DMP1: variants seen among roughly 807,000 people sequenced by gnomAD.
DMP1 encodes dentin matrix protein 1.
A neutral mutation model predicts 14.6 loss-of-function variants in DMP1; 20 were observed. The observed-to-expected ratio is 1.37, with a 90% CI of 0.96 to 1.99. The LOEUF (loss-of-function observed/expected upper bound fraction) is 1.99, where lower values mean the gene tolerates loss of function less well. Among genes scored for constraint, DMP1 ranks in the 30% most tolerant of loss-of-function variants. The pLI, the probability that DMP1 is intolerant of heterozygous loss-of-function variation, is 0.00. For missense variants in DMP1, 567 were observed against 620.5 expected (o/e 0.91, Z 0.92); for synonymous variants, 197 against 215.3 (o/e 0.91, Z 0.75).
rs753217114 is a variant in DMP1, at chr4:87,662,902, T to C, written c.1124T>C (p.Val375Ala). Residue 375 changes from valine to alanine, a missense_variant, in exon 6 of 6, where the codon GTA becomes GCA. Transcript: ENST00000339673. The part of the protein sequence containing the change: ...GDNPDPTTSY[V>A]EDQEDSDSSE... ...AACCCCGACCCCACAACTAGTTATG[T>C]AGAAGACCAGGAAGACAGTGACTCC... 2 of 1,614,172 alleles carry C rather than the reference T, an allele frequency of 1.2e-6. No homozygotes were observed. The highest frequency in any genetic ancestry group is 2.2e-5 in the East Asian group (1 of 44,870).
At chr4:87,651,772 T>C (rs1435303974) in intron 1 of DMP1, among the ~76,000 whole-genome samples, 1 of 152,118 alleles carries the variant, frequency 6.6e-6, no homozygotes, top group East Asian at 1.9e-4. Flanking sequence ...TCAGTTGTGT[T>C]CTTGAAGATA....
At position 87,663,455 on chromosome 4, in the gene DMP1, T is replaced by A. The variant is rs143161469; in HGVS notation, c.*135T>A. 7 of 1,336,826 alleles carry A rather than the reference T, an allele frequency of 5.2e-6. No individual in the cohort carries two copies. Among genetic ancestry groups the A allele is most frequent in the African/African-American group, 4.4e-5 (3 of 68,904 alleles). The allele number at this position is 1,336,826 out of a possible 1,614,324, so 82.8% of individuals were successfully genotyped here. A position where few individuals can be genotyped will look rare whatever the true frequency, so the allele number is the denominator to read the frequency against. On this transcript the variant is annotated 3_prime_UTR_variant, in exon 6 of 6. Transcript: ENST00000339673. ...CCATATTTTTCCTGAAAGGAATTGC[T>A]GGACATTACACTTGTTTTTAGGGTG...
intron 5 of DMP1, 94 bp from the exon 6 acceptor site, chr4:87,661,868 G>C (rs1218382930): frequency 3.7e-6 from 6 of 1,604,834 alleles, no homozygotes; most frequent in East Asian, 4.5e-5. Context: ...GGGGATGTAG[G>C]GCGAAGGAAG....
chr4:87,662,985 C>A lies in DMP1; in HGVS notation c.1207C>A (p.Gln403Lys), dbSNP rs1728964278. 6.2e-7 allele frequency: 1 copy of A among 1,614,078 alleles called. No homozygotes were observed. Among genetic ancestry groups the A allele is most frequent in the African/African-American group, 1.3e-5 (1 of 74,916 alleles). The change falls in exon 6 of 6, where the codon CAA becomes AAA. Residue 403 changes from glutamine to lysine, a missense_variant. By Grantham distance (53) the Gln-to-Lys change is moderately conservative. Transcript: ENST00000339673. ...SHSKSESREE[Q>K]ADSESSESLN... ...CTCAAAAAGTGAATCCAGAGAGGAGCAAGCAGACAGCGAATCCAGTGAGAG... is the reference window on the plus strand; with the variant it reads ...CTCAAAAAGTGAATCCAGAGAGGAGAAAGCAGACAGCGAATCCAGTGAGAG...
At chr4:87,656,322 T>C (rs940471740) in intron 1 of DMP1, 150 bp from the exon 2 acceptor site, 39 of 635,488 alleles carry the variant, frequency 6.1e-5, no homozygotes, top group African/African-American at 6.0e-4. Context: ...GGTTGAATAA[T>C]ATTCTGTTTT....
At chr4:87,653,008 GA>G (rs1403451775) in intron 1 of DMP1, among the ~76,000 whole-genome samples, 1 of 152,128 alleles carries the variant, frequency 6.6e-6, no homozygotes, top group Non-Finnish European at 1.5e-5. Flanking sequence ...TATCTAAAGA[GA>G]AGTAACATCT....
At position 87,659,463 on chromosome 4, in the gene DMP1, T is replaced by C; in HGVS notation, c.168T>C (p.Val56=). Reference sequence around the variant, plus strand: ...GTGAGTCATCAGAAGGCAGTAAAGTTAGCTCAGAGGAACAGGTAATTAAAC... The same window carrying C: ...GTGAGTCATCAGAAGGCAGTAAAGTCAGCTCAGAGGAACAGGTAATTAAAC... The part of the protein sequence containing the change: ...ESSESSEGSK[V]SSEEQANEDP... The change falls in exon 5 of 6, where the codon GTT becomes GTC. Residue 56 remains valine (V), a synonymous_variant. Coordinates refer to ENST00000339673, the MANE Select transcript of DMP1 (RefSeq NM_004407.4). 1 of 1,614,058 alleles carries C rather than the reference T, an allele frequency of 6.2e-7. No homozygotes were observed. The highest frequency in any genetic ancestry group is 8.5e-7 in the Non-Finnish European group (1 of 1,179,950).
chr4:87,657,638 C>G (rs1314253305), intron 3 of DMP1, among the ~76,000 whole-genome samples: 1 of 152,178 alleles, frequency 6.6e-6, no homozygotes, highest in Non-Finnish European at 1.5e-5. Context: ...AAACTGATCA[C>G]AGAGAGTAAT....
rs2110018643 is a variant in DMP1 at position 87,664,187 on chromosome 4, T to A, written c.*867T>A. On this transcript the variant is annotated 3_prime_UTR_variant, in exon 6 of 6. Transcript: ENST00000339673. ...CTCTTTACGTAGATACTTTTTAGCT[T>A]TATTTTTTCTAAAATCAGTTTGCGT... The A allele has an allele frequency of 6.5e-6, 1 of 152,740 alleles. No individual in the cohort carries two copies. Among genetic ancestry groups the A allele is most frequent in the East Asian group, 1.9e-4 (1 of 5,190 alleles). 9.5% of individuals were successfully genotyped at this position (152,740 alleles called of 1,614,324 possible). A position where few individuals can be genotyped will look rare whatever the true frequency, so the allele number is the denominator to read the frequency against.
chr4:87,655,656 A>C (rs1200400449), intron 1 of DMP1, among the ~76,000 whole-genome samples: 1 of 151,972 alleles, frequency 6.6e-6, no homozygotes, highest in Non-Finnish European at 1.5e-5. Flanking sequence ...CATAAATGTG[A>C]CTTAGAAGCC....
intron 5 of DMP1, among the ~76,000 whole-genome samples, chr4:87,661,502 G>A (rs997471539): frequency 2.0e-5 from 3 of 151,982 alleles, no homozygotes; most frequent in Admixed American, 1.3e-4. Flanking sequence ...GATTACAGGC[G>A]TGAGCCACCG....
At position 87,661,871 on chromosome 4, in the gene DMP1, G is replaced by A. The variant is rs566481893; in HGVS notation, c.184-91G>A. ...TAGATTAGAGGAGGGGATGTAGGGC[G>A]AAGGAAGCAGAAAGACTAGAAAGGC... On this transcript the variant is annotated intron_variant, in intron 5 of 5. Transcript: ENST00000339673. The A allele has an allele frequency of 3.5e-5, 57 of 1,607,170 alleles. No homozygotes were observed. In the African/African-American group the frequency reaches 6.4e-4, roughly 18 times the overall value.
chr4:87,659,625 G>A, intron 5 of DMP1, 147 bp downstream of exon 5: 2 of 801,164 alleles, frequency 2.5e-6, no homozygotes, highest in Admixed American at 2.2e-5. Context: ...AGTAAGAAGA[G>A]AAAAATGAGT....
rs751568594 is a variant in DMP1 at position 87,662,132 on chromosome 4, C to A, written c.354C>A (p.Asp118Glu). 6.2e-7 allele frequency: 1 copy of A among 1,614,208 alleles called. No individual in the cohort carries two copies. Among genetic ancestry groups the A allele is most frequent in the Admixed American group, 1.7e-5 (1 of 60,030 alleles). The change falls in exon 6 of 6, where the codon GAC becomes GAA. Residue 118 changes from aspartate (D) to glutamate (E), a missense_variant. Transcript: ENST00000339673. ...DSGDDTFGDD[D>E]SGPGPKDRQE... ...GAGATGACACCTTTGGTGACGATGA[C>A]AGTGGCCCAGGGCCCAAAGACAGAC... is the stretch of plus-strand genomic sequence containing the variant.
Position 87,662,414 on chromosome 4 carries a change from T to C in DMP1, c.636T>C (p.Asp212=). Reference sequence around the variant, plus strand: ...ATGGAGACGGCTCCGAGTTGGACGATGAGGGAATGCAGAGTGATGACCCAG... The same window carrying C: ...ATGGAGACGGCTCCGAGTTGGACGACGAGGGAATGCAGAGTGATGACCCAG... The part of the protein sequence containing the change: ...SSHGDGSELD[D]EGMQSDDPES... The change falls in exon 6 of 6, where the codon GAT becomes GAC. Residue 212 remains aspartate (D), a synonymous_variant. Coordinates refer to ENST00000339673, the MANE Select transcript of DMP1 (RefSeq NM_004407.4). 6.2e-7 allele frequency: 1 copy of C among 1,613,912 alleles called. No individual in the cohort carries two copies. Among genetic ancestry groups the C allele is most frequent in the Non-Finnish European group, 8.5e-7 (1 of 1,179,982 alleles).
chr4:87,656,395 T>G (rs1728694805), intron 1 of DMP1, 77 bp from the exon 2 acceptor site: 1 of 828,926 alleles, frequency 1.2e-6, no homozygotes, highest in Non-Finnish European at 2.1e-6. Flanking sequence ...GAATTTTTAG[T>G]AGGAAGAAAC....
chr4:87,661,895 G>C, intron 5 of DMP1, 67 bp from the exon 6 acceptor site: 1 of 1,613,256 alleles, frequency 6.2e-7, no homozygotes, highest in Non-Finnish European at 8.5e-7. Context: ...GACTAGAAAG[G>C]CTCTAGATAA....
intron 1 of DMP1, among the ~76,000 whole-genome samples, chr4:87,655,595 T>C (rs2110011626): frequency 6.6e-6 from 1 of 152,122 alleles, no homozygotes; most frequent in Non-Finnish European, 1.5e-5. Context: ...CTCTTGCAGA[T>C]CACAAAAAAA....
At position 87,662,157 on chromosome 4, in the gene DMP1, C is replaced by G; in HGVS notation, c.379C>G (p.Gln127Glu). Residue 127 changes from glutamine to glutamate, a missense_variant, in exon 6 of 6, where the codon CAA (glutamine) becomes GAA (glutamate). Transcript: ENST00000339673. ...CAGTGGCCCAGGGCCCAAAGACAGA[C>G]AAGAAGGAGGAAACTCCAGACTGGG... is the stretch of plus-strand genomic sequence containing the variant. ...DDSGPGPKDR[Q>E]EGGNSRLGSD... The G allele has an allele frequency of 6.2e-7, 1 of 1,614,208 alleles. No individual in the cohort carries two copies. Among genetic ancestry groups the G allele is most frequent in the South Asian group, 1.1e-5 (1 of 91,086 alleles).
Sources: gnomAD v4.1 joint callset for allele counts (sites outside exome capture counted in the v4.1 genomes callset) on GRCh38, gnomAD v4.1.1 for gene constraint, MANE v1.5 for transcripts, NCBI Gene and HGNC (gene_info 2026-07-23, HGNC 2026-07-21) for gene names.